USP54: variants seen among roughly 807,000 people sequenced by gnomAD.
The protein encoded by USP54 is ubiquitin carboxyl-terminal hydrolase 54.
In USP54, 87 loss-of-function variants were observed where a neutral mutation model predicts 170.5. The observed-to-expected ratio is 0.51, with a 90% confidence interval of 0.43 to 0.61. The LOEUF (loss-of-function observed/expected upper bound fraction) is 0.61, where lower values mean the gene tolerates loss of function less well. Ranked by LOEUF, USP54 falls within the 20% of genes least tolerant of loss-of-function variation. The pLI, the probability that USP54 is intolerant of heterozygous loss-of-function variation, is 0.00. For missense variants in USP54, 1,786 were observed against 2,047.8 expected (o/e 0.87, Z 2.47); for synonymous variants, 655 against 742.8 (o/e 0.88, Z 1.92).
chr10:73,610,103 G>A (rs2080016621), intron 1 of USP54, among the ~76,000 whole-genome samples: 1 of 151,966 alleles, frequency 6.6e-6, no homozygotes, highest in Non-Finnish European at 1.5e-5. Context: ...ACTTGAACCT[G>A]GGAGGCGGAG....
Position 73,530,696 on chromosome 10 carries a change from G to A in USP54, c.1447+8C>T. 1 of 1,614,014 alleles carries A rather than the reference G, an allele frequency of 6.2e-7. No homozygotes were observed. On this transcript the variant is annotated splice_region_variant and intron_variant, in intron 13 of 23. Coordinates refer to ENST00000687698, the MANE Select transcript of USP54 (RefSeq NM_001391956.1). ...AAGGAGAAAGAGAAGCAGTGCAGAA[G>A]GGCTTGCCTTCACTGTGGTATCCCG...
In USP54 at chr10:73,556,793, T is replaced by C. The variant is rs575112527; in HGVS notation, c.241-11121A>G. 9.9e-5 allele frequency among the ~76,000 whole-genome samples: 15 copies of C among 152,174 alleles called. No individual in the cohort carries two copies. The South Asian group carries it at 2.9e-3, about 29-fold the overall frequency. ...ACAAGTGGACTACGAGTAAAACACA[T>C]ACCTTCCTGCCCCATTAGAACAGTC... On this transcript the variant is annotated intron_variant, in intron 4 of 23. Transcript: ENST00000687698.
chr10:73,501,095 A>G (rs117119102), intron 22 of USP54, among the ~76,000 whole-genome samples: 2,420 of 152,286 alleles, frequency 0.016, 32 homozygotes, highest in Non-Finnish European at 0.023. Context: ...CCTATCATTC[A>G]GGTCTTTAGC....
chr10:73,510,344 TAAATA>T (rs759320810), intron 20 of USP54, among the ~76,000 whole-genome samples: 4 of 150,882 alleles, frequency 2.7e-5, no homozygotes, highest in African/African-American at 4.9e-5. Flanking sequence ...AAAAAATAAA[TAAATA>T]AAATAAAATA....
At chr10:73,593,566 T>A (rs1416814683), upstream of USP54, among the ~76,000 whole-genome samples, 1 of 152,208 alleles carries the variant, frequency 6.6e-6, no homozygotes, top group Non-Finnish European at 1.5e-5. Flanking sequence ...TGTAAAACTG[T>A]GCTTCAACAA....
At chr10:73,544,857 G>T (rs1294079659) in intron 5 of USP54, among the ~76,000 whole-genome samples, 1 of 152,086 alleles carries the variant, frequency 6.6e-6, no homozygotes, top group Non-Finnish European at 1.5e-5. Flanking sequence ...GGGACTATAG[G>T]CGCCCGCCAC....
rs561671562 is a variant in USP54, at chr10:73,527,513, A to G, written c.2061-733T>C. Among the ~76,000 whole-genome samples the G allele has an allele frequency of 5.9e-5, 9 of 151,512 alleles. No homozygotes were observed. The East Asian group carries it at 1.2e-3, about 20-fold the overall frequency. The stretch of plus-strand genomic sequence containing the variant: ...CACTCCATCTCAAAAAAAAAAAAAA[A>G]AAAAAGAAAACAGAAAAATTGCCTC... On this transcript the variant is annotated intron_variant, in intron 15 of 23. Transcript: ENST00000687698.
intron 1 of USP54, among the ~76,000 whole-genome samples, chr10:73,583,884 G>A (rs1240713813): frequency 6.6e-6 from 1 of 152,080 alleles, no homozygotes; most frequent in Admixed American, 6.6e-5. Flanking sequence ...TTAATTCCTG[G>A]TTCTGATAAA....
intron 15 of USP54, 45 bp from the exon 16 acceptor site, chr10:73,526,825 T>C: frequency 6.2e-7 from 1 of 1,600,158 alleles, no homozygotes; most frequent in Non-Finnish European, 8.5e-7. Flanking sequence ...GAAAGCAGGT[T>C]ATAGCAACAT....
At chr10:73,591,983 T>C (rs2078292628), upstream of USP54, among the ~76,000 whole-genome samples, 1 of 152,050 alleles carries the variant, frequency 6.6e-6, no homozygotes, top group South Asian at 2.1e-4. Flanking sequence ...CTGAGTCAAT[T>C]TTAAAATGCT....
intron 19 of USP54, chr10:73,519,525 G>A (rs779396455): frequency 1.1e-4 from 47 of 447,254 alleles, no homozygotes; most frequent in Non-Finnish European, 1.6e-4. Flanking sequence ...TAATAATCGC[G>A]TTATTACACA....
chr10:73,507,622 C>T (rs1335528873), intron 20 of USP54, among the ~76,000 whole-genome samples: 1 of 124,854 alleles, frequency 8.0e-6, no homozygotes, highest in Admixed American at 9.8e-5. Flanking sequence ...TGCAGTGAGT[C>T]AACATCACGC....
intron 17 of USP54, 47 bp downstream of exon 17, chr10:73,523,536 T>C (rs2062264211): frequency 2.7e-6 from 4 of 1,494,050 alleles, no homozygotes; most frequent in East Asian, 4.7e-5. Context: ...TTTTCTACCC[T>C]TTCTGTCTGT....
intron 1 of USP54, among the ~76,000 whole-genome samples, chr10:73,611,983 C>A (rs915876358): frequency 6.6e-6 from 1 of 151,662 alleles, no homozygotes; most frequent in Non-Finnish European, 1.5e-5. Flanking sequence ...CGGTGGTATG[C>A]CCCTATAGTC....
intron 20 of USP54, among the ~76,000 whole-genome samples, chr10:73,510,283 C>T (rs1273469981): frequency 1.3e-5 from 2 of 151,432 alleles, no homozygotes; most frequent in African/African-American, 2.4e-5. Context: ...TGCAGTGAGC[C>T]GAGACTGCAC....
At chr10:73,552,655 G>A (rs2069778376) in intron 4 of USP54, among the ~76,000 whole-genome samples, 1 of 151,966 alleles carries the variant, frequency 6.6e-6, no homozygotes, top group Admixed American at 6.6e-5. Context: ...GCCAGGTGTG[G>A]TGGCAATCAC....
At chr10:73,543,748 TTGTG>T (rs1211080599) in intron 5 of USP54, among the ~76,000 whole-genome samples, 1 of 152,048 alleles carries the variant, frequency 6.6e-6, no homozygotes, top group African/African-American at 2.4e-5. Flanking sequence ...ATGCATTCAT[TTGTG>T]TGTGTGTATG....
At chr10:73,504,655 G>A in intron 22 of USP54, 195 bp downstream of exon 22, 1 of 725,536 alleles carries the variant, frequency 1.4e-6, no homozygotes, top group Non-Finnish European at 2.2e-6. Flanking sequence ...ACTGCTACAT[G>A]GAATGGACAT....
chr10:73,534,558 G>A, intron 12 of USP54, 42 bp downstream of exon 12: 1 of 1,597,856 alleles, frequency 6.3e-7, no homozygotes, highest in East Asian at 2.2e-5. Flanking sequence ...ATCTATGCAG[G>A]AATTGATTCA....
Sources: gnomAD v4.1 joint callset for allele counts (sites outside exome capture counted in the v4.1 genomes callset) on GRCh38, gnomAD v4.1.1 for gene constraint, MANE v1.5 for transcripts, NCBI Gene and HGNC (gene_info 2026-07-23, HGNC 2026-07-21) for gene names.